Variants in ARL15 observed in about 807,000 individuals in gnomAD.
ARL15 encodes ARF like GTPase 15.
Under a neutral mutation model 25.2 loss-of-function variants are expected in ARL15, and 19 were observed. That is an observed-to-expected ratio of 0.75 (90% CI 0.53 to 1.10). The LOEUF is 1.10. Among genes scored for constraint, ARL15 ranks in the 50% least tolerant of loss-of-function variants. ARL15 has a pLI of 0.00. For synonymous variants in ARL15, 94 were observed against 86.8 expected (o/e 1.08, Z -0.46); for missense variants, 220 against 246.0 (o/e 0.89, Z 0.71).
At chr5:54,215,946 C>A (rs777732984) in intron 1 of ARL15, among the ~76,000 whole-genome samples, 9 of 152,092 alleles carry the variant, frequency 5.9e-5, no homozygotes, top group Non-Finnish European at 8.8e-5. Flanking sequence ...TGCACTGTGG[C>A]ATTAGATCAA....
intron 1 of ARL15, among the ~76,000 whole-genome samples, chr5:54,232,101 A>C (rs1370609354): frequency 6.6e-6 from 1 of 152,160 alleles, no homozygotes; most frequent in East Asian, 1.9e-4. Context: ...CCTTTTGCTT[A>C]ACTAACCCCT....
chr5:54,177,010 C>A (rs1754894399), intron 1 of ARL15, among the ~76,000 whole-genome samples: 1 of 152,168 alleles, frequency 6.6e-6, no homozygotes, highest in Admixed American at 6.5e-5. Flanking sequence ...GTCCCCACTC[C>A]CCTGGTAGCA....
At chr5:54,094,603 A>G (rs1752229013) in intron 4 of ARL15, among the ~76,000 whole-genome samples, 1 of 151,814 alleles carries the variant, frequency 6.6e-6, no homozygotes, top group South Asian at 2.1e-4. Flanking sequence ...ATAATAATTC[A>G]TTACCATTAT....
intron 1 of ARL15, among the ~76,000 whole-genome samples, chr5:54,251,493 C>T (rs1757235397): frequency 6.6e-6 from 1 of 152,140 alleles, no homozygotes; most frequent in Non-Finnish European, 1.5e-5. Context: ...TGGCAGAAAA[C>T]GGAGGCTGCT....
chr5:54,243,457 T>TC (rs1391360423), intron 1 of ARL15, among the ~76,000 whole-genome samples: 3 of 151,978 alleles, frequency 2.0e-5, no homozygotes, highest in Admixed American at 6.6e-5. Context: ...CCAGTTGAAA[T>TC]CCCCCCCTCC....
chr5:54,143,443 A>T (rs979251679), intron 3 of ARL15, among the ~76,000 whole-genome samples: 8 of 151,430 alleles, frequency 5.3e-5, no homozygotes, highest in Non-Finnish European at 1.2e-4. Flanking sequence ...ATCATTTCCT[A>T]TATATATTTT....
chr5:54,057,178 G>A (rs967670484), intron 4 of ARL15, among the ~76,000 whole-genome samples: 2 of 152,138 alleles, frequency 1.3e-5, no homozygotes, highest in African/African-American at 4.8e-5. Flanking sequence ...GTACAATAAT[G>A]TAGGATATTT....
intron 1 of ARL15, among the ~76,000 whole-genome samples, chr5:54,303,609 G>GGTTGCCTGAAAATCT: frequency 1.4e-5 from 2 of 141,650 alleles, no homozygotes; most frequent in African/African-American, 2.7e-5. Context: ...TGAGTAAGGA[G>GGTTGCCTGAAAATCT]ATCGCACCAC....
intron 4 of ARL15, among the ~76,000 whole-genome samples, chr5:54,083,686 C>T (rs1021018615): frequency 1.3e-5 from 2 of 152,102 alleles, no homozygotes; most frequent in Admixed American, 1.3e-4. Context: ...AATGTTGGTT[C>T]TCTGAGCTGT....
At chr5:53,902,516 G>A (rs545031383) in intron 4 of ARL15, among the ~76,000 whole-genome samples, 1 of 152,136 alleles carries the variant, frequency 6.6e-6, no homozygotes, top group South Asian at 2.1e-4. Flanking sequence ...GCAGCTGTCG[G>A]GTATGAAAAA....
At chr5:54,092,818 A>G (rs17266519) in intron 4 of ARL15, among the ~76,000 whole-genome samples, 16,293 of 152,232 alleles carry the variant, frequency 0.11, 1,023 homozygotes, top group Non-Finnish European at 0.15. Flanking sequence ...GCCAAATCCT[A>G]CACTGATACT....
intron 1 of ARL15, among the ~76,000 whole-genome samples, chr5:54,296,865 C>T (rs1394995075): frequency 2.0e-5 from 3 of 152,144 alleles, no homozygotes; most frequent in East Asian, 1.9e-4. Context: ...TCTTTCCTAA[C>T]GAGTTCTGCA....
chr5:54,099,157 C>T (rs1480461369), intron 4 of ARL15, among the ~76,000 whole-genome samples: 1 of 152,114 alleles, frequency 6.6e-6, no homozygotes. Context: ...TTCTTCTATG[C>T]TATTCAAAGT....
intron 2 of ARL15, among the ~76,000 whole-genome samples, chr5:54,157,263 G>A (rs1335153270): frequency 6.6e-6 from 1 of 152,186 alleles, no homozygotes; most frequent in Non-Finnish European, 1.5e-5. Flanking sequence ...CTGCACCTAT[G>A]TGCAAAATAC....
chr5:54,304,812 T>C (rs961559160), intron 1 of ARL15, among the ~76,000 whole-genome samples: 7 of 152,198 alleles, frequency 4.6e-5, no homozygotes, highest in Non-Finnish European at 7.3e-5. Flanking sequence ...ACAATGTTCA[T>C]AGATATTCAG....
chr5:54,299,658 C>T (rs1384726885), intron 1 of ARL15, among the ~76,000 whole-genome samples: 5 of 129,670 alleles, frequency 3.9e-5, no homozygotes, highest in African/African-American at 6.0e-5. Flanking sequence ...GGCGCAATCT[C>T]GGCTCACTGC....
chr5:54,006,636 A>G (rs1173085637), intron 4 of ARL15, among the ~76,000 whole-genome samples: 1 of 152,124 alleles, frequency 6.6e-6, no homozygotes, highest in African/African-American at 2.4e-5. Flanking sequence ...AATAAATAAC[A>G]TTTATTGATT....
At chr5:54,086,303 A>G (rs1322473176) in intron 4 of ARL15, among the ~76,000 whole-genome samples, 1 of 152,186 alleles carries the variant, frequency 6.6e-6, no homozygotes, top group African/African-American at 2.4e-5. Flanking sequence ...TGGAAGTTAT[A>G]GGCTTTTTTC....
intron 4 of ARL15, among the ~76,000 whole-genome samples, chr5:54,009,410 A>T (rs1005964899): frequency 3.3e-5 from 5 of 152,190 alleles, no homozygotes; most frequent in Admixed American, 6.5e-5. Flanking sequence ...AGGTTTTTTT[A>T]AAGCATATTA....
Sources: gnomAD v4.1 joint callset for allele counts (sites outside exome capture counted in the v4.1 genomes callset) on GRCh38, gnomAD v4.1.1 for gene constraint, MANE v1.5 for transcripts, NCBI Gene and HGNC (gene_info 2026-07-23, HGNC 2026-07-21) for gene names.